The following GSAP variants were observed in gnomAD, a reference collection of about 807,000 sequenced individuals.
GSAP encodes the protein gamma-secretase activating protein, also known as gamma-secretase-activating protein.
In GSAP, 118 loss-of-function variants were observed where a neutral mutation model predicts 131.7. That is an observed-to-expected ratio of 0.90 (90% CI 0.77 to 1.04). The LOEUF (loss-of-function observed/expected upper bound fraction) is 1.04, where lower values mean the gene tolerates loss of function less well. Ranked by LOEUF, GSAP falls within the 50% of genes least tolerant of loss-of-function variation. GSAP has a pLI of 0.00. For synonymous variants in GSAP, 381 were observed against 363.4 expected, an observed-to-expected ratio of 1.05 and a Z score of -0.55; for missense variants, 1,019 against 1,013.2, an observed-to-expected ratio of 1.01 and a Z score of -0.08.
At chr7:77,354,210 G>A (rs1334321969) in intron 16 of GSAP, among the ~76,000 whole-genome samples, 1 of 152,160 alleles carries the variant, frequency 6.6e-6, no homozygotes, top group Non-Finnish European at 1.5e-5. Flanking sequence ...CCTAACCATG[G>A]TGCACACTTG....
intron 1 of GSAP, among the ~76,000 whole-genome samples, chr7:77,414,250 A>T (rs546830499): frequency 6.0e-4 from 91 of 152,368 alleles, no homozygotes; most frequent in African/African-American, 2.1e-3. Context: ...TTCATAATTT[A>T]CATTTGAAAA....
intron 19 of GSAP, among the ~76,000 whole-genome samples, chr7:77,345,870 C>T (rs780459113): frequency 4.6e-5 from 7 of 152,244 alleles, no homozygotes; most frequent in East Asian, 1.9e-4. Context: ...TTCACCTGGA[C>T]GCACGTGACA....
chr7:77,352,794 T>A, intron 18 of GSAP, 150 bp downstream of exon 18: 1 of 422,390 alleles, frequency 2.4e-6, no homozygotes. Flanking sequence ...TTGCTATTAC[T>A]TTTCTGCCAA....
rs71085453 is a variant in GSAP at position 77,390,946 on chromosome 7, TAAA to T, written c.368-3501_368-3499del. Among the ~76,000 whole-genome samples, 260 of 37,708 alleles carry T rather than the reference TAAA, an allele frequency of 6.9e-3. 1 individual carries two copies. Among genetic ancestry groups the T allele is most frequent in the African/African-American group, 0.013 (133 of 10,148 alleles). 24.7% of individuals were successfully genotyped at this position (37,708 alleles called of 152,430 possible). The stretch of plus-strand genomic sequence containing the variant: ...CCTGGTGACAGAGCGAGACTCCGTC[TAAA>T]AAAAAAAAAAAAAAAAAAAAAAAAA... On this transcript the variant is annotated intron_variant, in intron 5 of 30. Coordinates refer to ENST00000257626, the MANE Select transcript of GSAP (RefSeq NM_017439.4).
chr7:77,330,575 T>C (rs886796398), intron 19 of GSAP: 132 of 617,892 alleles, frequency 2.1e-4, no homozygotes, highest in Middle Eastern at 7.6e-4. Flanking sequence ...TTCTGTCTCT[T>C]TTTTTTTTTT....
chr7:77,368,861 T>G (rs1017231525), intron 12 of GSAP, among the ~76,000 whole-genome samples: 1 of 152,244 alleles, frequency 6.6e-6, no homozygotes, highest in African/African-American at 2.4e-5. Context: ...TTAGCTGGTG[T>G]TATTCCATAA....
chr7:77,390,519 C>T (rs1481896788), intron 5 of GSAP, among the ~76,000 whole-genome samples: 2 of 152,042 alleles, frequency 1.3e-5, no homozygotes, highest in Non-Finnish European at 2.9e-5. Context: ...CCAGTTTTCC[C>T]AGCACCATTT....
intron 12 of GSAP, among the ~76,000 whole-genome samples, chr7:77,368,687 AGT>A (rs1795683812): frequency 6.6e-6 from 1 of 152,270 alleles, no homozygotes. Context: ...GCCTCAGGCA[AGT>A]TAATTAAATT....
chr7:77,324,826 CTTTTTTT>C (rs150930764), intron 23 of GSAP, among the ~76,000 whole-genome samples: 2 of 97,314 alleles, frequency 2.1e-5, no homozygotes, highest in African/African-American at 4.4e-5. Context: ...GTTTGCCATA[CTTTTTTT>C]TTTTTTTTTT....
At chr7:77,391,615 G>C (rs1471459148) in intron 5 of GSAP, among the ~76,000 whole-genome samples, 1 of 152,122 alleles carries the variant, frequency 6.6e-6, no homozygotes, top group Non-Finnish European at 1.5e-5. Flanking sequence ...TTTGAGGCCA[G>C]GAATTTGAGA....
At chr7:77,395,710 G>A (rs1800266167) in intron 5 of GSAP, among the ~76,000 whole-genome samples, 1 of 152,120 alleles carries the variant, frequency 6.6e-6, no homozygotes, top group African/African-American at 2.4e-5. Context: ...TAGGCTCTGG[G>A]GAAATGTGTG....
At chr7:77,348,539 G>A (rs1792251100) in intron 19 of GSAP, among the ~76,000 whole-genome samples, 1 of 152,090 alleles carries the variant, frequency 6.6e-6, no homozygotes, top group Non-Finnish European at 1.5e-5. Flanking sequence ...AGAATCAAAT[G>A]GAAATAAAAG....
chr7:77,376,195 G>A (rs1207585817), intron 10 of GSAP, among the ~76,000 whole-genome samples: 1 of 152,130 alleles, frequency 6.6e-6, no homozygotes, highest in African/African-American at 2.4e-5. Context: ...TGGTGCAAAA[G>A]TAACTGCAGT....
At chr7:77,345,944 C>T (rs533307324) in intron 19 of GSAP, among the ~76,000 whole-genome samples, 3 of 152,202 alleles carry the variant, frequency 2.0e-5, no homozygotes, top group African/African-American at 7.2e-5. Context: ...ATCGTCATAG[C>T]CTTTCACCCA....
At chr7:77,379,919 C>T (rs766412974) in intron 8 of GSAP, 17 of 966,652 alleles carry the variant, frequency 1.8e-5, no homozygotes, top group Admixed American at 6.2e-5. Flanking sequence ...TTGATAAATT[C>T]CATTTTCTGT....
At chr7:77,407,411 C>G (rs1354322812) in intron 1 of GSAP, among the ~76,000 whole-genome samples, 1 of 152,110 alleles carries the variant, frequency 6.6e-6, no homozygotes, top group Non-Finnish European at 1.5e-5. Context: ...CATTCTTAAT[C>G]TTTTAATTGG....
In GSAP at chr7:77,397,363, C is replaced by T; in HGVS notation, c.296G>A (p.Ser99Asn). The stretch of plus-strand genomic sequence containing the variant: ...CAACTTACCAAGCAAAGTCCTTTCA[C>T]TGTTGACAGAGCAACTGAAAACTTG... Reference protein sequence around the residue: ...DLQVFSCSVNSERTLLAASLV... With the variant: ...DLQVFSCSVNNERTLLAASLV... Residue 99 changes from serine to asparagine, a missense_variant, in exon 4 of 31, where the codon AGT (serine) becomes AAT (asparagine). By Grantham distance (46) the Ser-to-Asn change is conservative (BLOSUM62 1). Coordinates refer to ENST00000257626, the MANE Select transcript of GSAP (RefSeq NM_017439.4). The T allele has an allele frequency of 6.2e-7, 1 of 1,604,674 alleles. No homozygotes were observed.
chr7:77,355,086 G>A, intron 16 of GSAP, 127 bp downstream of exon 16: 1 of 637,088 alleles, frequency 1.6e-6, no homozygotes, highest in Non-Finnish European at 2.7e-6. Flanking sequence ...GACGATGTCA[G>A]CAGCAAGGCC....
Position 77,397,388 on chromosome 7 carries a change from G to C in GSAP, c.271C>G (p.Gln91Glu), listed in dbSNP as rs1462197789. Residue 91 changes from glutamine to glutamate, a missense_variant, in exon 4 of 31, where the codon CAA (glutamine) becomes GAA (glutamate). Gln to Glu is a conservative substitution (Grantham distance 29). Coordinates refer to ENST00000257626, the MANE Select transcript of GSAP (RefSeq NM_017439.4). ...ELLYTFEKDL[Q>E]VFSCSVNSER... The stretch of plus-strand genomic sequence containing the variant: ...CTGTTGACAGAGCAACTGAAAACTT[G>C]CAAGTCTTTCTCAAAGGTATATAGA... 4 of 1,604,114 alleles carry C rather than the reference G, an allele frequency of 2.5e-6. No homozygotes were observed. The highest frequency in any genetic ancestry group is 2.2e-5 in the East Asian group (1 of 44,752).
Sources: allele counts gnomAD v4.1 joint callset (sites outside exome capture counted in the v4.1 genomes callset), GRCh38; gene constraint gnomAD v4.1.1; transcripts MANE v1.5; gene names NCBI Gene and HGNC (gene_info 2026-07-23, HGNC 2026-07-21).